ERBB4: variants seen among roughly 807,000 people sequenced by gnomAD.
The protein encoded by ERBB4 is erb-b2 receptor tyrosine kinase 4, also known as receptor tyrosine-protein kinase erbB-4.
A neutral mutation model predicts 158.0 loss-of-function variants in ERBB4; 42 were observed. That is an observed-to-expected ratio of 0.27 (90% CI 0.21 to 0.34). ERBB4 has a LOEUF of 0.34. Among genes scored for constraint, ERBB4 ranks in the 10% least tolerant of loss-of-function variants. The pLI is 1.00. For synonymous variants in ERBB4, 583 were observed against 558.7 expected (o/e 1.04, Z -0.61); for missense variants, 1,333 against 1,624.1 (o/e 0.82, Z 3.08).
At chr2:212,534,161 G>C (rs746181845) in intron 1 of ERBB4, among the ~76,000 whole-genome samples, 33 of 152,126 alleles carry the variant, frequency 2.2e-4, no homozygotes, top group Non-Finnish European at 4.3e-4. Context: ...CTAATAACCA[G>C]CTTGATATAA....
chr2:211,750,739 G>T (rs777693029), intron 4 of ERBB4, 35 bp from the exon 5 acceptor site: 13 of 1,575,830 alleles, frequency 8.2e-6, no homozygotes, highest in African/African-American at 4.0e-5. Flanking sequence ...GGACATGCAC[G>T]TTATAATCTT....
chr2:212,354,329 T>C (rs143356979), intron 1 of ERBB4, among the ~76,000 whole-genome samples: 3 of 152,210 alleles, frequency 2.0e-5, no homozygotes, highest in South Asian at 2.1e-4. Flanking sequence ...GTGAGACTCC[T>C]GAGGTGCTTT....
chr2:212,212,586 T>C (rs2082971135), intron 1 of ERBB4, among the ~76,000 whole-genome samples: 1 of 151,262 alleles, frequency 6.6e-6, no homozygotes, highest in African/African-American at 2.4e-5. Flanking sequence ...TCATATGGAA[T>C]CAAAGAAAGA....
At chr2:212,134,090 C>G (rs1208042016) in intron 1 of ERBB4, among the ~76,000 whole-genome samples, 1 of 152,124 alleles carries the variant, frequency 6.6e-6, no homozygotes, top group South Asian at 2.1e-4. Context: ...ACTCAGCATA[C>G]ATTTCATCAT....
At chr2:211,459,782 T>C (rs181548149) in intron 20 of ERBB4, among the ~76,000 whole-genome samples, 8 of 152,260 alleles carry the variant, frequency 5.3e-5, no homozygotes, top group Admixed American at 1.3e-4. Flanking sequence ...ATCAGGAGCA[T>C]GAAAATGGAC....
At chr2:212,318,312 T>G (rs1442035769) in intron 1 of ERBB4, among the ~76,000 whole-genome samples, 1 of 151,624 alleles carries the variant, frequency 6.6e-6, no homozygotes, top group Non-Finnish European at 1.5e-5. Context: ...TTATCTGATA[T>G]AATTACTGTT....
chr2:212,177,390 T>C (rs954366568), intron 1 of ERBB4, among the ~76,000 whole-genome samples: 2 of 151,928 alleles, frequency 1.3e-5, no homozygotes, highest in African/African-American at 4.8e-5. Flanking sequence ...CTTTTTAATA[T>C]TTCAGCTGAA....
chr2:212,350,548 T>C (rs1049765885), intron 1 of ERBB4, among the ~76,000 whole-genome samples: 2 of 152,096 alleles, frequency 1.3e-5, no homozygotes, highest in Admixed American at 6.6e-5. Context: ...TCAAAAGTAA[T>C]AAGACAAAGA....
At chr2:212,324,353 T>C (rs2087719131) in intron 1 of ERBB4, among the ~76,000 whole-genome samples, 1 of 150,716 alleles carries the variant, frequency 6.6e-6, no homozygotes, top group South Asian at 2.1e-4. Flanking sequence ...CAAGAGGAAA[T>C]AGTCTGTCGG....
At chr2:212,057,690 T>C (rs2077624087) in intron 2 of ERBB4, among the ~76,000 whole-genome samples, 1 of 152,160 alleles carries the variant, frequency 6.6e-6, no homozygotes, top group African/African-American at 2.4e-5. Context: ...TCTGGGTACA[T>C]AATGAAATGA....
chr2:211,604,453 T>C (rs973734689), intron 19 of ERBB4, among the ~76,000 whole-genome samples: 1 of 151,932 alleles, frequency 6.6e-6, no homozygotes, highest in African/African-American at 2.4e-5. Context: ...ATGATAAATA[T>C]CACTTAGTAA....
At chr2:211,591,240 G>A (rs1198281788) in intron 19 of ERBB4, among the ~76,000 whole-genome samples, 1 of 152,190 alleles carries the variant, frequency 6.6e-6, no homozygotes, top group African/African-American at 2.4e-5. Context: ...GCTAGTTTCA[G>A]TTTTCCAATT....
chr2:211,502,180 T>C (rs76339080), intron 20 of ERBB4, among the ~76,000 whole-genome samples: 2 of 152,130 alleles, frequency 1.3e-5, no homozygotes, highest in East Asian at 3.9e-4. Context: ...CACTTCAAAT[T>C]CCACCTGTGT....
At chr2:212,283,136 C>T (rs1051893909) in intron 1 of ERBB4, among the ~76,000 whole-genome samples, 2 of 151,898 alleles carry the variant, frequency 1.3e-5, no homozygotes, top group African/African-American at 4.8e-5. Context: ...ATGGATTTCA[C>T]GGATTAACCA....
chr2:211,600,991 C>T (rs2068783107), intron 19 of ERBB4, among the ~76,000 whole-genome samples: 1 of 152,028 alleles, frequency 6.6e-6, no homozygotes, highest in African/African-American at 2.4e-5. Flanking sequence ...AAAACTCTAG[C>T]TCTAAAAACA....
chr2:211,392,526 G>T (rs2062818376), intron 25 of ERBB4, among the ~76,000 whole-genome samples: 1 of 140,138 alleles, frequency 7.1e-6, no homozygotes, highest in Admixed American at 7.3e-5. Context: ...TGATTCTGTG[G>T]GACTCTACTT....
chr2:211,798,046 A>G (rs1286454537), intron 3 of ERBB4, among the ~76,000 whole-genome samples: 1 of 152,090 alleles, frequency 6.6e-6, no homozygotes, highest in Non-Finnish European at 1.5e-5. Flanking sequence ...TTTTACATAT[A>G]CATGTATACA....
At chr2:211,928,338 C>T (rs757783192) in intron 3 of ERBB4, among the ~76,000 whole-genome samples, 21 of 151,958 alleles carry the variant, frequency 1.4e-4, no homozygotes, top group Admixed American at 3.3e-4. Context: ...AACCCACCCC[C>T]GTAACCCACT....
At chr2:212,013,415 T>C (rs1160532390) in intron 2 of ERBB4, among the ~76,000 whole-genome samples, 2 of 152,210 alleles carry the variant, frequency 1.3e-5, no homozygotes, top group Non-Finnish European at 2.9e-5. Flanking sequence ...AGACACTGTT[T>C]TAAGGCCTGG....
Sources: allele counts gnomAD v4.1 joint callset (sites outside exome capture counted in the v4.1 genomes callset), GRCh38; gene constraint gnomAD v4.1.1; transcripts MANE v1.5; gene names NCBI Gene and HGNC (gene_info 2026-07-23, HGNC 2026-07-21).